MAPT: variants seen among roughly 807,000 people sequenced by gnomAD.
MAPT encodes the protein microtubule associated protein tau, also known as microtubule-associated protein tau.
Under a neutral mutation model 67.9 loss-of-function variants are expected in MAPT, and 34 were observed. That is an observed-to-expected ratio of 0.50 (90% CI 0.38 to 0.67). The LOEUF is 0.67. MAPT is among the 30% of genes least tolerant of loss of function. The probability of loss-of-function intolerance (pLI) is 0.00; values close to 1 mark genes in which losing one functional copy is unlikely to be tolerated. For synonymous variants in MAPT, 456 were observed against 464.5 expected, an observed-to-expected ratio of 0.98 and a Z score of 0.23; for missense variants, 881 against 1,115.2, an observed-to-expected ratio of 0.79 and a Z score of 2.99.
At chr17:45,914,143 A>C (rs61421488) in intron 1 of MAPT, among the ~76,000 whole-genome samples, 15,635 of 123,248 alleles carry the variant, frequency 0.13, 889 homozygotes, top group Middle Eastern at 0.19. Flanking sequence ...GACAGAAAAA[A>C]AAAAATTAAT....
At chr17:45,963,318 G>T (rs1042205958) in intron 2 of MAPT, among the ~76,000 whole-genome samples, 1 of 152,120 alleles carries the variant, frequency 6.6e-6, no homozygotes, top group Non-Finnish European at 1.5e-5. Context: ...AGACCACATG[G>T]TTGGGGACCC....
intron 11 of MAPT, 135 bp from the exon 12 acceptor site, chr17:46,018,483 C>A (rs1282261312): frequency 1.3e-6 from 1 of 783,446 alleles, no homozygotes; most frequent in East Asian, 2.4e-5. Flanking sequence ...GCAGTGGCAC[C>A]CAATCTAATT....
At chr17:45,974,834 C>A in intron 3 of MAPT, 1 of 311,800 alleles carries the variant, frequency 3.2e-6, no homozygotes, top group Non-Finnish European at 6.2e-6. Flanking sequence ...CTCAGACTGC[C>A]CAGCACAGGG....
intron 1 of MAPT, among the ~76,000 whole-genome samples, chr17:45,941,487 CA>C (rs1207360428): frequency 6.6e-6 from 1 of 151,962 alleles, no homozygotes; most frequent in African/African-American, 2.4e-5. Context: ...GCTTCTACCC[CA>C]GGGGTGTAGA....
intron 8 of MAPT, 96 bp downstream of exon 8, chr17:45,991,682 C>A: frequency 3.2e-6 from 5 of 1,555,004 alleles, no homozygotes; most frequent in South Asian, 1.1e-5. Context: ...GAATGAATAA[C>A]CCCTGGCAGC....
chr17:45,928,844 C>T (rs558292374), intron 1 of MAPT, among the ~76,000 whole-genome samples: 58 of 152,210 alleles, frequency 3.8e-4, no homozygotes, highest in Admixed American at 1.4e-3. Flanking sequence ...TACAAGTGCT[C>T]GCCACCACGC....
At chr17:45,941,680 CTCCT>C (rs1223967453) in intron 1 of MAPT, among the ~76,000 whole-genome samples, 13 of 47,224 alleles carry the variant, frequency 2.8e-4, no homozygotes, top group Admixed American at 3.0e-4. Flanking sequence ...CCCCCCTTCC[CTCCT>C]TCCTTCCTTC....
At chr17:45,982,509 C>T (rs1459550773) in intron 4 of MAPT, among the ~76,000 whole-genome samples, 6 of 152,142 alleles carry the variant, frequency 3.9e-5, no homozygotes, top group South Asian at 2.1e-4. Context: ...AAGCCCAGGG[C>T]GGCTCCAGAT....
chr17:45,924,929 A>G (rs2066135226), intron 1 of MAPT, among the ~76,000 whole-genome samples: 1 of 152,150 alleles, frequency 6.6e-6, no homozygotes, highest in African/African-American at 2.4e-5. Context: ...TTGGTGCTGA[A>G]TTAGGTTGGA....
At position 45,983,857 on chromosome 17, in the gene MAPT, TC is replaced by T. The variant is rs1301414535; in HGVS notation, c.1280del (p.Pro427GlnfsTer53). 4.4e-6 allele frequency: 7 copies of T among 1,603,270 alleles called. No individual in the cohort carries two copies. The highest frequency in any genetic ancestry group is 3.5e-5 in the Admixed American group (2 of 57,126). ...GAGAGGACACAAAAGAGGCTGACCT[TC>T]CAGAGCCCTCTGAAAAGCAGCCTGC... ...LGEDTKEADL[P>X]EPSEKQPAAA... On this transcript the variant is annotated frameshift_variant, in exon 5 of 13. Transcript: ENST00000262410. LOFTEE classifies it high-confidence loss of function.
chr17:45,900,123 C>G (rs2143746692), intron 1 of MAPT, among the ~76,000 whole-genome samples: 1 of 152,300 alleles, frequency 6.6e-6, no homozygotes, highest in Non-Finnish European at 1.5e-5. Flanking sequence ...TAGGCAAGTC[C>G]TCTTGTAAGA....
chr17:45,903,810 T>TATA (rs1239866248), intron 1 of MAPT, among the ~76,000 whole-genome samples: 1 of 33,692 alleles, frequency 3.0e-5, no homozygotes, highest in Non-Finnish European at 5.6e-5. Flanking sequence ...TTATATAATA[T>TATA]AATATATAAA....
intron 1 of MAPT, among the ~76,000 whole-genome samples, chr17:45,939,711 T>C (rs1598051867): frequency 6.6e-6 from 1 of 152,116 alleles, no homozygotes; most frequent in African/African-American, 2.4e-5. Flanking sequence ...CAGATAATCA[T>C]GTGTGTGATG....
intron 1 of MAPT, among the ~76,000 whole-genome samples, chr17:45,926,979 A>G (rs901997029): frequency 2.6e-5 from 4 of 151,152 alleles, no homozygotes; most frequent in East Asian, 1.9e-4. Context: ...ATATATGTGT[A>G]TATATATACA....
intron 11 of MAPT, 102 bp downstream of exon 11, chr17:46,014,426 A>G (rs569912165): frequency 1.9e-5 from 16 of 838,374 alleles, no homozygotes; most frequent in Middle Eastern, 4.8e-4. Flanking sequence ...GCTGGAAAGG[A>G]TATTTTAGGT....
At chr17:45,968,534 G>A (rs2071321190) in intron 2 of MAPT, among the ~76,000 whole-genome samples, 1 of 152,214 alleles carries the variant, frequency 6.6e-6, no homozygotes, top group African/African-American at 2.4e-5. Context: ...GTGCCACAGA[G>A]GGAGTGTTTG....
chr17:45,934,607 C>T (rs2067152228), intron 1 of MAPT, among the ~76,000 whole-genome samples: 1 of 152,192 alleles, frequency 6.6e-6, no homozygotes, highest in African/African-American at 2.4e-5. Flanking sequence ...TTAGAGACTG[C>T]AGTCAGCACA....
At chr17:45,918,566 C>G (rs8076152) in intron 1 of MAPT, among the ~76,000 whole-genome samples, 48,341 of 152,106 alleles carry the variant, frequency 0.32, 7,996 homozygotes, top group South Asian at 0.4. Flanking sequence ...CTGCTGAGCA[C>G]CTACTGTGAT....
chr17:45,901,999 A>G (rs1299650932), intron 1 of MAPT, among the ~76,000 whole-genome samples: 2 of 151,986 alleles, frequency 1.3e-5, no homozygotes, highest in Non-Finnish European at 2.9e-5. Context: ...AAAACATTCA[A>G]CTAAATTTTC....
Sources: gnomAD v4.1 joint callset for allele counts (sites outside exome capture counted in the v4.1 genomes callset) on GRCh38, gnomAD v4.1.1 for gene constraint, MANE v1.5 for transcripts, NCBI Gene and HGNC (gene_info 2026-07-23, HGNC 2026-07-21) for gene names.